MOCOS: variants seen among roughly 807,000 people sequenced by gnomAD.
The protein encoded by MOCOS is human molybdenum cofactor sulfurase.
Under a neutral mutation model 83.6 loss-of-function variants are expected in MOCOS, and 86 were observed. The ratio of observed to expected loss-of-function variants is 1.03; its 90% CI spans 0.86 to 1.23. The LOEUF is 1.23. Ranked by LOEUF, MOCOS falls within the 50% of genes most tolerant of loss-of-function variation. MOCOS has a pLI of 0.00. For missense variants in MOCOS, 1,120 were observed against 1,126.9 expected, an observed-to-expected ratio of 0.99 and a Z score of 0.09; for synonymous variants, 445 against 434.7, an observed-to-expected ratio of 1.02 and a Z score of -0.29.
At chr18:36,215,141 T>C (rs1033305686) in intron 7 of MOCOS, among the ~76,000 whole-genome samples, 3 of 152,292 alleles carry the variant, frequency 2.0e-5, no homozygotes, top group Non-Finnish European at 4.4e-5. Context: ...GTTTCTCCCA[T>C]CTCAGCCCCG....
chr18:36,236,134 A>G lies in MOCOS; in HGVS notation c.1961-12788A>G, dbSNP rs1225879565. On this transcript the variant is annotated intron_variant, in intron 9 of 14. Coordinates refer to ENST00000261326, the MANE Select transcript of MOCOS (RefSeq NM_017947.4). ...TTGCTGTGCAGAAGCTCTTTAGTTT[A>G]ATTAGATCCCATTTGTCAATTTTGG... 1.1e-3 allele frequency among the ~76,000 whole-genome samples: 136 copies of G among 122,498 alleles called. 1 individual carries two copies. The highest frequency in any genetic ancestry group is 3.8e-3 in the African/African-American group (132 of 34,492). 80.4% of individuals were successfully genotyped at this position (122,498 alleles called of 152,430 possible). A position where few individuals can be genotyped will look rare whatever the true frequency, so the allele number is the denominator to read the frequency against.
chr18:36,200,026 T>A lies in MOCOS; in HGVS notation c.643T>A (p.Trp215Arg), dbSNP rs1411161823. Residue 215 changes from tryptophan (W) to arginine (R), a missense_variant, in exon 4 of 15, where the codon TGG becomes AGG. By Grantham distance (101) the Trp-to-Arg change is moderately radical. Transcript: ENST00000261326. ...NFSGVRYPLS[W>R]IEEVKSGRLH... ...TTCTGGAGTCAGATACCCCCTGTCCTGGATAGAAGAGGTCAAGTCTGGGCG... is the reference window on the plus strand; with the variant it reads ...TTCTGGAGTCAGATACCCCCTGTCCAGGATAGAAGAGGTCAAGTCTGGGCG... 6.2e-7 allele frequency: 1 copy of A among 1,614,200 alleles called. No individual in the cohort carries two copies. The highest frequency in any genetic ancestry group is 1.7e-5 in the Admixed American group (1 of 60,020).
chr18:36,266,631 G>A, intron 13 of MOCOS, 118 bp from the exon 14 acceptor site: 1 of 803,980 alleles, frequency 1.2e-6, no homozygotes, highest in Non-Finnish European at 2.1e-6. Flanking sequence ...GTGAACAGGT[G>A]CCACGTTCTG....
At position 36,267,690 on chromosome 18, in the gene MOCOS, G is replaced by T. The variant is rs565394165; in HGVS notation, c.2514+837G>T. 3.9e-5 allele frequency among the ~76,000 whole-genome samples: 6 copies of T among 152,260 alleles called. No individual in the cohort carries two copies. The South Asian group carries it at 1.2e-3, about 32-fold the overall frequency. The stretch of plus-strand genomic sequence containing the variant: ...ATGCAGGCTGTGTTGTCTGGGGTGT[G>T]GGGACCTTGAGCCTGCACCATGCAG... On this transcript the variant is annotated intron_variant, in intron 14 of 14. Coordinates refer to ENST00000261326, the MANE Select transcript of MOCOS (RefSeq NM_017947.4).
intron 6 of MOCOS, among the ~76,000 whole-genome samples, chr18:36,206,936 A>G (rs1415225452): frequency 6.6e-6 from 1 of 152,182 alleles, no homozygotes; most frequent in Non-Finnish European, 1.5e-5. Flanking sequence ...AAGTGCTACA[A>G]TGAAGATATG....
At chr18:36,249,634 A>G (rs2091614822) in intron 10 of MOCOS, among the ~76,000 whole-genome samples, 1 of 151,936 alleles carries the variant, frequency 6.6e-6, no homozygotes, top group Non-Finnish European at 1.5e-5. Context: ...GAGCAGTTGG[A>G]AGGGGGAAGG....
intron 5 of MOCOS, among the ~76,000 whole-genome samples, chr18:36,203,835 T>G (rs1037751746): frequency 1.3e-5 from 2 of 152,176 alleles, no homozygotes; most frequent in Non-Finnish European, 2.9e-5. Flanking sequence ...CTGATGGCAA[T>G]GCAGGGAGGT....
In MOCOS at chr18:36,197,492, C is replaced by T. The variant is rs149411401; in HGVS notation, c.233-1198C>T. 6.4e-3 allele frequency among the ~76,000 whole-genome samples: 975 copies of T among 151,680 alleles called. 4 individuals are homozygous for T. The highest frequency in any genetic ancestry group is 9.7e-3 in the Non-Finnish European group (658 of 67,946). ...TATCATAAAATTTACCAGCTGGGTA[C>T]AGTGTCTCAGGCCTATAATCCCAGT... is the stretch of plus-strand genomic sequence containing the variant. On this transcript the variant is annotated intron_variant, in intron 2 of 14. Transcript: ENST00000261326.
intron 9 of MOCOS, among the ~76,000 whole-genome samples, chr18:36,230,607 T>C (rs1250267834): frequency 6.6e-6 from 1 of 152,232 alleles, no homozygotes; most frequent in African/African-American, 2.4e-5. Flanking sequence ...GTGGCTTCAC[T>C]GTGCCAGGCC....
chr18:36,196,439 T>C (rs1409281493), intron 2 of MOCOS, among the ~76,000 whole-genome samples: 2 of 152,048 alleles, frequency 1.3e-5, no homozygotes, highest in African/African-American at 2.4e-5. Context: ...GGACTGGAGC[T>C]TGGAGGAGCT....
chr18:36,209,806 G>C (rs114876301), intron 6 of MOCOS, among the ~76,000 whole-genome samples: 1 of 151,930 alleles, frequency 6.6e-6, no homozygotes, highest in African/African-American at 2.4e-5. Context: ...ACATGTGTGC[G>C]TGTGTCTTTT....
At chr18:36,226,715 T>TC (rs139182049) in intron 9 of MOCOS, among the ~76,000 whole-genome samples, 1 of 2,428 alleles carries the variant, frequency 4.1e-4, no homozygotes, top group Non-Finnish European at 0.083. Flanking sequence ...AGGTTTTTTC[T>TC]TTTTTTTTTT....
chr18:36,202,373 G>T (rs1264199526), intron 4 of MOCOS, among the ~76,000 whole-genome samples: 1 of 152,116 alleles, frequency 6.6e-6, no homozygotes, highest in Non-Finnish European at 1.5e-5. Context: ...ATGGGGTCTT[G>T]CTTTTTGTAG....
chr18:36,209,275 C>T (rs984442847), intron 6 of MOCOS, among the ~76,000 whole-genome samples: 4 of 151,888 alleles, frequency 2.6e-5, no homozygotes, highest in African/African-American at 9.7e-5. Context: ...ACCTCCCTGG[C>T]TTAAGTGATC....
chr18:36,190,770 CAAAA>C (rs1005571214), intron 1 of MOCOS, among the ~76,000 whole-genome samples: 5 of 151,630 alleles, frequency 3.3e-5, no homozygotes, highest in Admixed American at 6.6e-5. Flanking sequence ...AAAAACAAAA[CAAAA>C]CAAAAAAACT....
chr18:36,190,760 AAAAAC>A (rs922840018), intron 1 of MOCOS, among the ~76,000 whole-genome samples: 10 of 152,126 alleles, frequency 6.6e-5, no homozygotes, highest in East Asian at 3.9e-4. Flanking sequence ...AAAAAAACAA[AAAAAC>A]AAAACAAAAC....
intron 6 of MOCOS, among the ~76,000 whole-genome samples, chr18:36,210,795 G>A (rs1200457815): frequency 7.5e-6 from 1 of 133,100 alleles, no homozygotes; most frequent in Admixed American, 8.8e-5. Context: ...AAGTTGCCAT[G>A]AGCTGAGATT....
intron 11 of MOCOS, among the ~76,000 whole-genome samples, chr18:36,253,732 C>T (rs369762304): frequency 2.0e-5 from 3 of 150,552 alleles, no homozygotes; most frequent in South Asian, 2.1e-4. Flanking sequence ...CAGGGAGCAG[C>T]ATGGCAGGGC....
chr18:36,220,151 C>A lies in MOCOS; in HGVS notation c.1894C>A (p.Pro632Thr), dbSNP rs773448619. Residue 632 changes from proline to threonine, a missense_variant, in exon 9 of 15, where the codon CCC (proline) becomes ACC (threonine). By Grantham distance (38) the Pro-to-Thr change is conservative. Coordinates refer to ENST00000261326, the MANE Select transcript of MOCOS (RefSeq NM_017947.4). ...TGTTTGCCTGAGTCAGAAGCAGGAA[C>A]CCCGGCTCTGCCTGATCCAGCCCTT... ...NGVCLSQKQE[P>T]RLCLIQPFID... 6 of 1,614,002 alleles carry A rather than the reference C, an allele frequency of 3.7e-6. No homozygotes were observed. In the Admixed American group the frequency reaches 5.0e-5, roughly 13 times the overall value.
Sources: allele counts gnomAD v4.1 joint callset (sites outside exome capture counted in the v4.1 genomes callset), GRCh38; gene constraint gnomAD v4.1.1; transcripts MANE v1.5; gene names NCBI Gene and HGNC (gene_info 2026-07-23, HGNC 2026-07-21).